Variants in TBL1XR1 observed in about 807,000 individuals in gnomAD.
TBL1XR1 encodes TBL1X/Y related 1.
In TBL1XR1, 5 loss-of-function variants were observed where a neutral mutation model predicts 66.9. The observed-to-expected ratio is 0.07, with a 90% confidence interval of 0.04 to 0.16. The LOEUF is 0.16. Among genes scored for constraint, TBL1XR1 ranks in the 10% least tolerant of loss-of-function variants. The pLI, the probability that TBL1XR1 is intolerant of heterozygous loss-of-function variation, is 1.00. For missense variants in TBL1XR1, 238 were observed against 623.2 expected (o/e 0.38, Z 6.58); for synonymous variants, 210 against 206.0 (o/e 1.02, Z -0.17).
At chr3:177,176,538 C>T (rs202213732) in intron 1 of TBL1XR1, among the ~76,000 whole-genome samples, 1 of 149,246 alleles carries the variant, frequency 6.7e-6, no homozygotes, top group Non-Finnish European at 1.5e-5. Context: ...TATGGCTGGG[C>T]AAGCTGGCTC....
intron 1 of TBL1XR1, among the ~76,000 whole-genome samples, chr3:177,133,876 C>CAAAAAAAAAAAAAAA (rs541940840): frequency 9.5e-6 from 1 of 105,758 alleles, no homozygotes. Context: ...ACTCCTATCT[C>CAAAAAAAAAAAAAAA]AAAAAAAAAA....
rs148659524 is a variant in TBL1XR1, at chr3:177,024,713, G to GAAAAAAA, written c.*778_*784dup. On this transcript the variant is annotated 3_prime_UTR_variant, in exon 16 of 16. Transcript: ENST00000457928. ...AGCCACATCACCAAAAAACAAAAAA[G>GAAAAAAA]AAAAAAAAAAAAAAAAAGCAAAACA... 8.2e-5 allele frequency: 7 copies of GAAAAAAA among 85,362 alleles called. No homozygotes were observed. Among genetic ancestry groups the GAAAAAAA allele is most frequent in the Admixed American group, 1.3e-4 (1 of 7,890 alleles). The allele number at this position is 85,362 out of a possible 1,614,324, so 5.3% of individuals were successfully genotyped here. A position where few individuals can be genotyped will look rare whatever the true frequency, so the allele number is the denominator to read the frequency against.
chr3:177,197,904 G>C (rs925517890), upstream of TBL1XR1, among the ~76,000 whole-genome samples: 5 of 149,510 alleles, frequency 3.3e-5, no homozygotes, highest in Non-Finnish European at 7.5e-5. Context: ...TGGGCCGCTG[G>C]GCCCGAGACG....
chr3:177,146,892 A>C (rs1424943468), intron 1 of TBL1XR1, among the ~76,000 whole-genome samples: 1 of 152,170 alleles, frequency 6.6e-6, no homozygotes, highest in Admixed American at 6.5e-5. Flanking sequence ...ATAATGCCCA[A>C]GAGTTTTCCC....
intron 1 of TBL1XR1, among the ~76,000 whole-genome samples, chr3:177,180,232 T>A (rs1379258934): frequency 1.4e-5 from 1 of 70,376 alleles, no homozygotes; most frequent in Non-Finnish European, 2.6e-5. Context: ...CAAGACTCCG[T>A]CTCAAAAAAA....
rs181237330 is a variant in TBL1XR1, at chr3:177,083,780, T to C, written c.-46+14686A>G. 2.6e-5 allele frequency among the ~76,000 whole-genome samples: 4 copies of C among 152,274 alleles called. No homozygotes were observed. The East Asian group carries it at 7.7e-4, about 29-fold the overall frequency. On this transcript the variant is annotated intron_variant, in intron 2 of 15. Transcript: ENST00000457928. ...TCAAGTAATGGTTTTTTTTTGTTTT[T>C]GTTTTTGTTTTTTTAAAGGAAAAAC...
rs1716920486 is a variant in TBL1XR1, at chr3:177,050,534, A to G, written c.504T>C (p.His168=). 1 of 1,613,764 alleles carries G rather than the reference A, an allele frequency of 6.2e-7. No individual in the cohort carries two copies. The highest frequency in any genetic ancestry group is 1.3e-5 in the African/African-American group (1 of 74,924). Residue 168 remains histidine, a synonymous_variant, in exon 6 of 16, where the codon CAT becomes CAC. Transcript: ENST00000457928. ...AGGCACAGATAAAAACTTCAGATTC[A>G]TGGCCCCGCAACACAACAGCTTTAT... ...PPNKAVVLRG[H]ESEVFICAWN... is the part of the protein sequence containing the mutation.
chr3:177,107,210 G>C lies in TBL1XR1; in HGVS notation c.-121-8669C>G, dbSNP rs190625766. 4.3e-3 allele frequency among the ~76,000 whole-genome samples: 658 copies of C among 152,216 alleles called. 10 individuals are homozygous for C. The highest frequency in any genetic ancestry group is 2.3e-3 in the Non-Finnish European group (157 of 68,028). On this transcript the variant is annotated intron_variant, in intron 1 of 15. Coordinates refer to ENST00000457928, the MANE Select transcript of TBL1XR1 (RefSeq NM_024665.7). ...AAATATACACACTTACATTAAACTA[G>C]ATATTAGGTTCAGAATTCTGAAATG...
At chr3:177,177,599 A>G (rs758229878) in intron 1 of TBL1XR1, among the ~76,000 whole-genome samples, 3 of 152,224 alleles carry the variant, frequency 2.0e-5, no homozygotes, top group Non-Finnish European at 4.4e-5. Flanking sequence ...TGGCACTCAC[A>G]TATGTCCCTG....
At chr3:177,144,516 G>A (rs973240455) in intron 1 of TBL1XR1, among the ~76,000 whole-genome samples, 3 of 152,126 alleles carry the variant, frequency 2.0e-5, no homozygotes, top group African/African-American at 7.2e-5. Flanking sequence ...CACTTTGGGA[G>A]GCCAAGGCGG....
chr3:177,181,833 A>C (rs908348999), intron 1 of TBL1XR1, among the ~76,000 whole-genome samples: 1 of 121,948 alleles, frequency 8.2e-6, no homozygotes, highest in East Asian at 2.0e-4. Context: ...AAAAAAAAAA[A>C]AAAACACACA....
intron 2 of TBL1XR1, among the ~76,000 whole-genome samples, chr3:177,084,253 T>C (rs1209032): frequency 0.99 from 150,891 of 152,342 alleles, 74,732 homozygotes; most frequent in East Asian, 1. Context: ...AAAGCTGCCA[T>C]ATGCACTTCC....
chr3:177,099,184 T>G (rs987424171), intron 1 of TBL1XR1, among the ~76,000 whole-genome samples: 1 of 152,078 alleles, frequency 6.6e-6, no homozygotes, highest in Non-Finnish European at 1.5e-5. Flanking sequence ...CTGGCCAACA[T>G]GGAGACACCC....
intron 9 of TBL1XR1, among the ~76,000 whole-genome samples, chr3:177,046,781 T>A (rs1716382573): frequency 6.6e-6 from 1 of 152,182 alleles, no homozygotes; most frequent in Non-Finnish European, 1.5e-5. Context: ...CTTCCCTGTT[T>A]GACACCACAC....
intron 1 of TBL1XR1, among the ~76,000 whole-genome samples, chr3:177,130,670 T>C (rs149100647): frequency 3.9e-5 from 6 of 152,226 alleles, no homozygotes; most frequent in African/African-American, 1.4e-4. Context: ...TTTTGAACCA[T>C]ATAAAATGCT....
chr3:177,126,934 G>A (rs1156629347), intron 1 of TBL1XR1, among the ~76,000 whole-genome samples: 2 of 152,132 alleles, frequency 1.3e-5, no homozygotes, highest in East Asian at 3.9e-4. Flanking sequence ...TTAGGCTTAA[G>A]GAATAAGAGC....
At chr3:177,088,288 T>A (rs1722400731) in intron 2 of TBL1XR1, among the ~76,000 whole-genome samples, 1 of 152,160 alleles carries the variant, frequency 6.6e-6, no homozygotes, top group African/African-American at 2.4e-5. Flanking sequence ...ATTCCACACT[T>A]GATCTCATAT....
chr3:177,159,938 T>C (rs1560243452), intron 1 of TBL1XR1, among the ~76,000 whole-genome samples: 1 of 152,252 alleles, frequency 6.6e-6, no homozygotes, highest in African/African-American at 2.4e-5. Flanking sequence ...AGGTCGTTAA[T>C]ACCACCACAT....
chr3:177,066,293 G>A (rs1049739521), intron 2 of TBL1XR1, among the ~76,000 whole-genome samples: 1 of 152,094 alleles, frequency 6.6e-6, no homozygotes, highest in Non-Finnish European at 1.5e-5. Context: ...CAAATGGGAG[G>A]CAATGACAAT....
Sources: gnomAD v4.1 joint callset for allele counts (sites outside exome capture counted in the v4.1 genomes callset) on GRCh38, gnomAD v4.1.1 for gene constraint, MANE v1.5 for transcripts, NCBI Gene and HGNC (gene_info 2026-07-23, HGNC 2026-07-21) for gene names.